The following AGBL4 variants were observed in gnomAD, a reference collection of about 807,000 sequenced individuals.
The protein encoded by AGBL4 is AGBL carboxypeptidase 4, also known as cytosolic carboxypeptidase 6.
AGBL4 carries 58 observed loss-of-function variants against 66.4 expected under a neutral mutation model. The ratio of observed to expected loss-of-function variants is 0.87; its 90% CI spans 0.71 to 1.09. The LOEUF (loss-of-function observed/expected upper bound fraction) is 1.09. AGBL4 is among the 50% of genes least tolerant of loss of function. AGBL4 has a pLI of 0.00. For missense variants in AGBL4, 579 were observed against 631.0 expected (o/e 0.92, Z 0.88); for synonymous variants, 234 against 222.9 (o/e 1.05, Z -0.44).
rs1305666278 is a variant in AGBL4, at chr1:50,006,270, T to C, written c.34+17493A>G. 2.7e-4 allele frequency among the ~76,000 whole-genome samples: 40 copies of C among 146,890 alleles called. 1 individual carries two copies. In the Admixed American group the frequency reaches 2.8e-3, roughly 10 times the overall value. ...AGGAGAATGGCATGAACCCAGGAAG[T>C]GGAGCTTGCAGTGAGCCAAGATTGC... On this transcript the variant is annotated intron_variant, in intron 1 of 13. Transcript: ENST00000371839.
rs142823447 is a variant in AGBL4 at position 48,967,451 on chromosome 1, C to T, written c.594+78133G>A. 1.4e-4 allele frequency among the ~76,000 whole-genome samples: 21 copies of T among 152,140 alleles called. No homozygotes were observed. In the East Asian group the frequency reaches 4.1e-3, roughly 29 times the overall value. On this transcript the variant is annotated intron_variant, in intron 5 of 13. Coordinates refer to ENST00000371839, the MANE Select transcript of AGBL4 (RefSeq NM_032785.4). ...TGTAACAGTGATTATTTCATAATTC[C>T]CTGTTTTCAAGACAAGGGACATCTA...
chr1:49,158,994 C>G (rs545607120), intron 4 of AGBL4, among the ~76,000 whole-genome samples: 1 of 148,934 alleles, frequency 6.7e-6, no homozygotes, highest in African/African-American at 2.5e-5. Context: ...TACAGCACAC[C>G]GATGGGTCTT....
chr1:49,953,414 T>C (rs561082615), intron 1 of AGBL4, among the ~76,000 whole-genome samples: 1 of 151,944 alleles, frequency 6.6e-6, no homozygotes, highest in Admixed American at 6.6e-5. Context: ...TCATCAAACA[T>C]ACTTAGTACT....
chr1:48,903,442 C>T (rs1652285483), intron 5 of AGBL4, among the ~76,000 whole-genome samples: 1 of 152,256 alleles, frequency 6.6e-6, no homozygotes, highest in South Asian at 2.1e-4. Flanking sequence ...CTTGGCCTGA[C>T]TCCCCAGTCC....
intron 3 of AGBL4, among the ~76,000 whole-genome samples, chr1:49,385,649 A>G (rs1644721000): frequency 6.6e-6 from 1 of 152,086 alleles, no homozygotes; most frequent in African/African-American, 2.4e-5. Flanking sequence ...ACTTCTTTAT[A>G]TCTTTTGTAC....
intron 3 of AGBL4, among the ~76,000 whole-genome samples, chr1:49,648,131 G>T (rs1177932556): frequency 6.6e-6 from 1 of 151,870 alleles, no homozygotes; most frequent in African/African-American, 2.4e-5. Context: ...CAACATGCAG[G>T]GACAGATGGG....
intron 4 of AGBL4, among the ~76,000 whole-genome samples, chr1:49,137,338 G>A (rs1240668195): frequency 6.6e-6 from 1 of 152,092 alleles, no homozygotes; most frequent in African/African-American, 2.4e-5. Flanking sequence ...AAAATAAAAT[G>A]ATGGAGGTTT....
At chr1:49,947,825 G>A (rs1348457474) in intron 1 of AGBL4, among the ~76,000 whole-genome samples, 1 of 147,542 alleles carries the variant, frequency 6.8e-6, no homozygotes, top group Non-Finnish European at 1.5e-5. Context: ...TCCTAGAACT[G>A]ATAAAAGACT....
At chr1:49,362,005 T>C (rs1416812411) in intron 3 of AGBL4, among the ~76,000 whole-genome samples, 1 of 152,194 alleles carries the variant, frequency 6.6e-6, no homozygotes, top group African/African-American at 2.4e-5. Flanking sequence ...TCTTCTCCAT[T>C]TCCTCACATT....
chr1:49,926,187 C>T (rs747996797), intron 1 of AGBL4, among the ~76,000 whole-genome samples: 41 of 152,316 alleles, frequency 2.7e-4, no homozygotes, highest in Middle Eastern at 3.4e-3. Context: ...GAGAAAGAGA[C>T]GTTCTGCTTA....
intron 3 of AGBL4, among the ~76,000 whole-genome samples, chr1:49,417,445 A>T (rs888355383): frequency 6.6e-6 from 1 of 152,098 alleles, no homozygotes; most frequent in African/African-American, 2.4e-5. Flanking sequence ...AATTCCCTCA[A>T]CTGATCCAAA....
chr1:49,851,361 A>G (rs1646298985), intron 2 of AGBL4, 35 bp downstream of exon 2: 2 of 1,516,972 alleles, frequency 1.3e-6, no homozygotes, highest in African/African-American at 1.4e-5. Context: ...GCCTTACCAG[A>G]CAAACTTAAA....
intron 5 of AGBL4, among the ~76,000 whole-genome samples, chr1:48,914,679 A>G (rs373636273): frequency 6.6e-6 from 1 of 152,180 alleles, no homozygotes; most frequent in East Asian, 1.9e-4. Context: ...TGGGTGGAAG[A>G]AGGACTGTTA....
intron 11 of AGBL4, among the ~76,000 whole-genome samples, chr1:48,553,301 T>C (rs138217692): frequency 1.1e-4 from 17 of 152,276 alleles, no homozygotes; most frequent in South Asian, 2.1e-4. Flanking sequence ...CTGAGAGATA[T>C]TCAGCTCCTG....
intron 2 of AGBL4, among the ~76,000 whole-genome samples, chr1:49,815,852 C>A (rs991957909): frequency 2.0e-5 from 3 of 152,086 alleles, no homozygotes; most frequent in Non-Finnish European, 2.9e-5. Flanking sequence ...TGAAAACTAG[C>A]TGTTTCTTAG....
intron 1 of AGBL4, among the ~76,000 whole-genome samples, chr1:49,880,321 A>T (rs1002439308): frequency 1.3e-5 from 2 of 151,822 alleles, no homozygotes. Context: ...GATGATGGTG[A>T]TGTACAGATG....
chr1:49,073,536 G>C (rs1644651537), intron 4 of AGBL4, among the ~76,000 whole-genome samples: 1 of 152,172 alleles, frequency 6.6e-6, no homozygotes, highest in Non-Finnish European at 1.5e-5. Context: ...GAGTTTGTTA[G>C]AGGTCCACTC....
chr1:49,702,814 A>G (rs1265669427), intron 2 of AGBL4, among the ~76,000 whole-genome samples: 1 of 152,186 alleles, frequency 6.6e-6, no homozygotes, highest in Non-Finnish European at 1.5e-5. Flanking sequence ...CTAATGCAAT[A>G]TAACACATTA....
chr1:49,730,086 A>G (rs1649320327), intron 2 of AGBL4, among the ~76,000 whole-genome samples: 1 of 152,158 alleles, frequency 6.6e-6, no homozygotes, highest in African/African-American at 2.4e-5. Context: ...CCAAACCTGT[A>G]AAAACCCTGG....
Sources: gnomAD v4.1 joint callset for allele counts (sites outside exome capture counted in the v4.1 genomes callset) on GRCh38, gnomAD v4.1.1 for gene constraint, MANE v1.5 for transcripts, NCBI Gene and HGNC (gene_info 2026-07-23, HGNC 2026-07-21) for gene names.